Variants in HFM1 observed in about 807,000 individuals in gnomAD.
HFM1 encodes helicase for meiosis 1.
HFM1 carries 169 observed loss-of-function variants against 192.1 expected under a neutral mutation model. That is an observed-to-expected ratio of 0.88 (90% confidence interval 0.78 to 1.00). HFM1 has a LOEUF of 1.00. Ranked by LOEUF, HFM1 falls within the 50% of genes least tolerant of loss-of-function variation. The pLI, the probability that HFM1 is intolerant of heterozygous loss-of-function variation, is 0.00. For missense variants in HFM1, 1,661 were observed against 1,668.0 expected (o/e 1.00, Z 0.07); for synonymous variants, 525 against 537.8 (o/e 0.98, Z 0.33).
chr1:91,400,918 T>C lies in HFM1; in HGVS notation c.71+94A>G, dbSNP rs192562550. On this transcript the variant is annotated intron_variant, in intron 2 of 38. Coordinates refer to ENST00000370425, the MANE Select transcript of HFM1 (RefSeq NM_001017975.6). ...TCGTTCTGTTGATTCCTCATTTTTA[T>C]TTGTATATTTACCAGAGAGAAAGCT... 2.3e-4 allele frequency: 127 copies of C among 562,968 alleles called. No individual in the cohort carries two copies. In the African/African-American group the frequency reaches 2.4e-3, roughly 11 times the overall value. The allele number at this position is 562,968 out of a possible 1,614,324, so 34.9% of individuals were successfully genotyped here.
chr1:91,266,482 T>TA (rs1275988684), intron 35 of HFM1, among the ~76,000 whole-genome samples: 2 of 152,188 alleles, frequency 1.3e-5, no homozygotes, highest in Admixed American at 1.3e-4. Context: ...CATTTGGTCA[T>TA]AGATGTCTTC....
intron 15 of HFM1, 86 bp from the exon 16 acceptor site, chr1:91,352,737 T>A: frequency 9.5e-7 from 1 of 1,052,708 alleles, no homozygotes; most frequent in African/African-American, 1.7e-5. Context: ...TTCTTATAAA[T>A]GTAATAAAAA....
intron 18 of HFM1, among the ~76,000 whole-genome samples, chr1:91,348,448 G>T (rs930357650): frequency 6.6e-6 from 1 of 152,034 alleles, no homozygotes; most frequent in Admixed American, 6.5e-5. Flanking sequence ...CTTTGACACA[G>T]GAATTTCATT....
rs746222434 is a variant in HFM1, at chr1:91,394,090, T to A, written c.494+3A>T. On this transcript the variant is annotated splice_donor_region_variant and intron_variant, in intron 4 of 38. Coordinates refer to ENST00000370425, the MANE Select transcript of HFM1 (RefSeq NM_001017975.6). ...TATTATTTAGTTTAATTATAATAAT[T>A]ACCTTTTCCGGAATACTGATGTGCT... is the stretch of plus-strand genomic sequence containing the variant. 1 of 1,442,170 alleles carries A rather than the reference T, an allele frequency of 6.9e-7. No individual in the cohort carries two copies. The highest frequency in any genetic ancestry group is 9.5e-7 in the Non-Finnish European group (1 of 1,054,848). The allele number at this position is 1,442,170 out of a possible 1,614,324, so 89.3% of individuals were successfully genotyped here. A position where few individuals can be genotyped will look rare whatever the true frequency, so the allele number is the denominator to read the frequency against.
At chr1:91,279,183 T>C (rs1667237636) in intron 30 of HFM1, among the ~76,000 whole-genome samples, 1 of 152,076 alleles carries the variant, frequency 6.6e-6, no homozygotes. Flanking sequence ...TATAAGAAAA[T>C]CCTCCTGGCT....
At chr1:91,263,875 A>G (rs1451566227) in intron 36 of HFM1, among the ~76,000 whole-genome samples, 1 of 152,092 alleles carries the variant, frequency 6.6e-6, no homozygotes, top group African/African-American at 2.4e-5. Flanking sequence ...GGTCCCTTCT[A>G]AACTCTTCCA....
rs541177024 is a variant in HFM1 at position 91,378,412 on chromosome 1, G to A, written c.1227C>T (p.Leu409=). Residue 409 remains leucine (L), a synonymous_variant, in exon 10 of 39, where the codon CTC becomes CTT. Transcript: ENST00000370425. ...CGAATGCATTCATTACCTCATCAAT[G>A]AGAAACAGTCGAACCAGCTGAACCA... ...NSLVQLVRLF[L]IDEVHIVKDE... The A allele has an allele frequency of 1.3e-4, 211 of 1,598,720 alleles. 3 individuals carry two copies. The South Asian group carries it at 2.3e-3, about 17-fold the overall frequency.
intron 25 of HFM1, among the ~76,000 whole-genome samples, chr1:91,318,373 T>G (rs1350897093): frequency 6.6e-6 from 1 of 152,234 alleles, no homozygotes; most frequent in African/African-American, 2.4e-5. Flanking sequence ...TTATTTAATT[T>G]GTTGATACCC....
Position 91,394,051 on chromosome 1 carries a change from C to T in HFM1, c.494+42G>A, listed in dbSNP as rs751965684. On this transcript the variant is annotated intron_variant, in intron 4 of 38. Transcript: ENST00000370425. ...TACTTTTATATGTACAAATATTCAA[C>T]TTTATTCACAGAATATTATTTAGTT... 7.1e-6 allele frequency: 8 copies of T among 1,120,476 alleles called. No homozygotes were observed. The South Asian group carries it at 1.2e-4, about 17-fold the overall frequency. 69.4% of individuals were successfully genotyped at this position (1,120,476 alleles called of 1,614,324 possible).
intron 1 of HFM1, among the ~76,000 whole-genome samples, chr1:91,403,508 T>A (rs1221486212): frequency 6.6e-6 from 1 of 152,180 alleles, no homozygotes; most frequent in African/African-American, 2.4e-5. Context: ...AAAGGGACCT[T>A]GCTACAGTTC....
At chr1:91,373,478 A>T (rs1571158598) in intron 13 of HFM1, among the ~76,000 whole-genome samples, 3 of 152,234 alleles carry the variant, frequency 2.0e-5, no homozygotes, top group South Asian at 2.1e-4. Flanking sequence ...CTTCTGCTAT[A>T]ATTTGGATGC....
intron 20 of HFM1, among the ~76,000 whole-genome samples, chr1:91,333,900 C>A (rs1243526821): frequency 6.6e-6 from 1 of 152,092 alleles, no homozygotes; most frequent in Non-Finnish European, 1.5e-5. Flanking sequence ...TGCTAAGTAC[C>A]TAGACGACAA....
At chr1:91,353,229 C>G (rs766696641) in intron 14 of HFM1, 27 bp downstream of exon 14, 1 of 1,573,432 alleles carries the variant, frequency 6.4e-7, no homozygotes, top group Non-Finnish European at 8.7e-7. Context: ...TGTGAAAATG[C>G]TATTCAAAAA....
intron 20 of HFM1, chr1:91,328,737 C>T (rs1362293570): frequency 1.4e-5 from 22 of 1,609,000 alleles, no homozygotes; most frequent in Non-Finnish European, 1.8e-5. Context: ...GCTGCTGGGG[C>T]CGAGCAGGTG....
chr1:91,386,674 T>A (rs1662251713), intron 4 of HFM1, among the ~76,000 whole-genome samples: 1 of 152,130 alleles, frequency 6.6e-6, no homozygotes, highest in Non-Finnish European at 1.5e-5. Context: ...CTAAATATAG[T>A]CACAGTAAAT....
chr1:91,277,267 T>C (rs1446037278), intron 30 of HFM1, among the ~76,000 whole-genome samples: 1 of 151,856 alleles, frequency 6.6e-6, no homozygotes, highest in African/African-American at 2.4e-5. Flanking sequence ...TGGAGTGCTA[T>C]GGCTATTCAC....
At chr1:91,261,499 T>G (rs1389745127) in intron 38 of HFM1, 140 bp from the exon 39 acceptor site, 4 of 407,810 alleles carry the variant, frequency 9.8e-6, no homozygotes, top group Non-Finnish European at 1.8e-5. Context: ...TAAACTTCAG[T>G]ATGCATAACT....
chr1:91,379,710 T>C (rs747854239), intron 8 of HFM1, among the ~76,000 whole-genome samples: 4 of 152,168 alleles, frequency 2.6e-5, no homozygotes, highest in African/African-American at 9.7e-5. Context: ...GATTATTGCT[T>C]TTCACTATAA....
chr1:91,312,754 G>A (rs1402166438), intron 30 of HFM1, among the ~76,000 whole-genome samples: 3 of 152,070 alleles, frequency 2.0e-5, no homozygotes, highest in African/African-American at 7.2e-5. Flanking sequence ...AGATTTGGAG[G>A]GGCTAGGGGT....
Sources: allele counts gnomAD v4.1 joint callset (sites outside exome capture counted in the v4.1 genomes callset), GRCh38; gene constraint gnomAD v4.1.1; transcripts MANE v1.5; gene names NCBI Gene and HGNC (gene_info 2026-07-23, HGNC 2026-07-21).